The following SCP2 variants were observed in gnomAD, a reference collection of about 807,000 sequenced individuals.
SCP2 encodes the protein sterol carrier protein 2, also known as SCP-2/3-oxoacyl-CoA thiolase.
In SCP2, 48 loss-of-function variants were observed where a neutral mutation model predicts 71.4. The ratio of observed to expected loss-of-function variants is 0.67; its 90% confidence interval spans 0.53 to 0.86. The LOEUF (loss-of-function observed/expected upper bound fraction) is 0.86. SCP2 is among the 40% of genes least tolerant of loss of function. The pLI, the probability that SCP2 is intolerant of heterozygous loss-of-function variation, is 0.00. For synonymous variants in SCP2, 220 were observed against 218.1 expected (o/e 1.01, Z -0.08); for missense variants, 560 against 655.6 (o/e 0.85, Z 1.59).
intron 2 of SCP2, chr1:52,944,002 TAGAG>T (rs1437904943): frequency 1.7e-5 from 4 of 232,770 alleles, no homozygotes; most frequent in African/African-American, 9.6e-5. Context: ...GTGCTGGTGA[TAGAG>T]AGGGGCAGCA....
intron 11 of SCP2, among the ~76,000 whole-genome samples, chr1:52,998,595 G>A (rs1660095717): frequency 6.7e-6 from 1 of 148,398 alleles, no homozygotes; most frequent in Admixed American, 6.9e-5. Context: ...GTCAGGCGTG[G>A]TGGCGCACGT....
intron 11 of SCP2, among the ~76,000 whole-genome samples, chr1:52,988,858 G>A (rs999009010): frequency 1.3e-5 from 2 of 150,760 alleles, no homozygotes; most frequent in East Asian, 1.9e-4. Flanking sequence ...GCTAATTTTT[G>A]TATTTTTTTT....
At chr1:52,954,662 T>C in intron 4 of SCP2, 78 bp from the exon 5 acceptor site, 1 of 1,160,916 alleles carries the variant, frequency 8.6e-7, no homozygotes, top group Admixed American at 1.7e-5. Context: ...GACGTACTTA[T>C]TTGAATTGAA....
intron 14 of SCP2, among the ~76,000 whole-genome samples, chr1:53,043,163 G>A (rs1663552360): frequency 6.6e-6 from 1 of 152,128 alleles, no homozygotes; most frequent in Non-Finnish European, 1.5e-5. Flanking sequence ...TCAGATCTAG[G>A]CTCTGTCACT....
chr1:52,951,828 T>G (rs1287031710), intron 4 of SCP2, among the ~76,000 whole-genome samples: 4 of 151,970 alleles, frequency 2.6e-5, no homozygotes, highest in Non-Finnish European at 4.4e-5. Context: ...GTGATTCTCA[T>G]GCCTCAGCCT....
At chr1:53,048,084 A>G (rs1281203829) in intron 15 of SCP2, 147 bp downstream of exon 15, 12 of 681,380 alleles carry the variant, frequency 1.8e-5, no homozygotes, top group Non-Finnish European at 3.0e-5. Flanking sequence ...CTGTGGAGCA[A>G]GCTGTGTGCC....
intron 5 of SCP2, among the ~76,000 whole-genome samples, chr1:52,960,516 GTGTA>G (rs758691653): frequency 3.2e-3 from 378 of 117,422 alleles, no homozygotes; most frequent in East Asian, 0.012. Flanking sequence ...GTGTGTGTGT[GTGTA>G]TATGTGTGTA....
chr1:52,991,843 A>G (rs1481747176), intron 11 of SCP2, among the ~76,000 whole-genome samples: 1 of 152,028 alleles, frequency 6.6e-6, no homozygotes, highest in East Asian at 1.9e-4. Context: ...TGCTCTATAA[A>G]CTTCATGGGA....
At chr1:52,931,801 C>G (rs1378087973) in intron 1 of SCP2, among the ~76,000 whole-genome samples, 1 of 152,074 alleles carries the variant, frequency 6.6e-6, no homozygotes, top group Non-Finnish European at 1.5e-5. Context: ...ACCCCCTACT[C>G]AAAAACAACA....
intron 4 of SCP2, among the ~76,000 whole-genome samples, chr1:52,954,313 CAAA>C (rs554851573): frequency 7.7e-6 from 1 of 130,138 alleles, no homozygotes. Flanking sequence ...AACTTTGTGT[CAAA>C]AAAAAAAAGC....
At chr1:52,942,785 G>A (rs945664905) in intron 2 of SCP2, among the ~76,000 whole-genome samples, 8 of 145,842 alleles carry the variant, frequency 5.5e-5, no homozygotes, top group African/African-American at 2.0e-4. Context: ...CTGCAACCTC[G>A]GACTCCCAGG....
rs1407018978 is a variant in SCP2 at position 53,000,237 on chromosome 1, G to C, written c.1081+12101G>C. ...GAGACCAGCCTGGGCAACAAAGCGA[G>C]ACCCTAGTTTCTACCAAAAAAAAAA... On this transcript the variant is annotated intron_variant, in intron 11 of 15. Coordinates refer to ENST00000371514, the MANE Select transcript of SCP2 (RefSeq NM_002979.5). Among the ~76,000 whole-genome samples the C allele has an allele frequency of 5.2e-5, 7 of 134,582 alleles. No homozygotes were observed. The East Asian group carries it at 1.6e-3, about 30-fold the overall frequency. The allele number at this position is 134,582 out of a possible 152,430, so 88.3% of individuals were successfully genotyped here. A position where few individuals can be genotyped will look rare whatever the true frequency, so the allele number is the denominator to read the frequency against.
intron 6 of SCP2, among the ~76,000 whole-genome samples, chr1:52,964,214 CTTT>C (rs200065864): frequency 1.1e-4 from 15 of 134,668 alleles, no homozygotes; most frequent in Admixed American, 1.5e-4. Flanking sequence ...TCTTTTCTCT[CTTT>C]TTTTTTTTTT....
chr1:52,936,791 T>G (rs755605821), intron 1 of SCP2, among the ~76,000 whole-genome samples: 1 of 152,134 alleles, frequency 6.6e-6, no homozygotes, highest in Non-Finnish European at 1.5e-5. Context: ...ATCGGGATAG[T>G]AATTACTTTG....
chr1:52,970,970 T>C (rs2150157291), intron 6 of SCP2, among the ~76,000 whole-genome samples: 1 of 125,290 alleles, frequency 8.0e-6, no homozygotes, highest in South Asian at 2.8e-4. Context: ...AGACACAGAT[T>C]TTTTTTTTTT....
chr1:52,961,386 A>G, intron 5 of SCP2, 117 bp from the exon 6 acceptor site: 8 of 1,055,752 alleles, frequency 7.6e-6, no homozygotes, highest in Non-Finnish European at 1.1e-5. Flanking sequence ...ATTCACATTG[A>G]CAATTTCTGG....
At chr1:53,037,276 G>GT (rs1335392498) in intron 13 of SCP2, among the ~76,000 whole-genome samples, 3 of 151,834 alleles carry the variant, frequency 2.0e-5, no homozygotes, top group Non-Finnish European at 2.9e-5. Context: ...GGTTGCTCTT[G>GT]TTTCTTTTAA....
chr1:52,958,919 T>A (rs754346545), intron 5 of SCP2, among the ~76,000 whole-genome samples: 7 of 152,068 alleles, frequency 4.6e-5, no homozygotes, highest in Non-Finnish European at 8.8e-5. Flanking sequence ...GTTTGTTTTT[T>A]TCTTTCCATT....
chr1:53,026,795 C>T (rs931674434), intron 12 of SCP2, among the ~76,000 whole-genome samples: 2 of 151,640 alleles, frequency 1.3e-5, no homozygotes, highest in Non-Finnish European at 2.9e-5. Context: ...GCGACAGAGT[C>T]CCTGTGGGAA....
Sources: allele counts gnomAD v4.1 joint callset (sites outside exome capture counted in the v4.1 genomes callset), GRCh38; gene constraint gnomAD v4.1.1; transcripts MANE v1.5; gene names NCBI Gene and HGNC (gene_info 2026-07-23, HGNC 2026-07-21).